ANXA8: variants seen among roughly 807,000 people sequenced by gnomAD.
The protein encoded by ANXA8 is VAC-beta.
In ANXA8, 9 loss-of-function variants were observed where a neutral mutation model predicts 26.8. That is an observed-to-expected ratio of 0.34 (90% CI 0.20 to 0.59). The LOEUF is 0.59. Ranked by LOEUF, ANXA8 falls within the 20% of genes least tolerant of loss-of-function variation. ANXA8 has a pLI of 0.84. For synonymous variants in ANXA8, 39 were observed against 94.8 expected (o/e 0.41, Z 3.42); for missense variants, 83 against 238.5 (o/e 0.35, Z 4.29).
chr10:47,633,834 AC>A, the ANXA8 span, among the ~76,000 whole-genome samples: 2 of 149,848 alleles, frequency 1.3e-5, no homozygotes, highest in Non-Finnish European at 2.9e-5. Context: ...ATTTCAAAAT[AC>A]CACTCAAATG....
At chr10:47,533,195 A>ACG in the ANXA8 span, among the ~76,000 whole-genome samples, 2 of 139,102 alleles carry the variant, frequency 1.4e-5, no homozygotes, top group Admixed American at 7.1e-5. Context: ...TCACACACAC[A>ACG]CACACACACA....
the ANXA8 span, among the ~76,000 whole-genome samples, chr10:47,530,413 C>T: frequency 1.3e-5 from 2 of 149,266 alleles, no homozygotes; most frequent in Non-Finnish European, 3.0e-5. Context: ...ACAGGCCAGG[C>T]GCGGTGGCTC....
At chr10:47,685,518 C>T in the ANXA8 span, among the ~76,000 whole-genome samples, 1 of 151,852 alleles carries the variant, frequency 6.6e-6, no homozygotes, top group South Asian at 2.1e-4. Context: ...GCAAGTAGGG[C>T]TTTGAATCTC....
the ANXA8 span, among the ~76,000 whole-genome samples, chr10:47,696,949 C>T: frequency 5.9e-5 from 9 of 151,446 alleles, no homozygotes; most frequent in Admixed American, 4.6e-4. Context: ...GTATTGGTCT[C>T]GTATTCAGAC....
the ANXA8 span, chr10:47,970,518 C>T: frequency 1.3e-5 from 2 of 151,234 alleles, 1 homozygote; most frequent in Non-Finnish European, 3.0e-5. Flanking sequence ...TGAACACACA[C>T]ATCCAAGTCA....
the ANXA8 span, among the ~76,000 whole-genome samples, chr10:47,533,427 C>G: frequency 8.7e-5 from 12 of 138,530 alleles, no homozygotes; most frequent in African/African-American, 3.0e-4. Flanking sequence ...ACCAGAACCT[C>G]TGTGTCAGAA....
the ANXA8 span, among the ~76,000 whole-genome samples, chr10:47,693,552 A>G: frequency 6.6e-6 from 1 of 151,888 alleles, no homozygotes; most frequent in East Asian, 1.9e-4. Context: ...GGCCTCCCAA[A>G]GTGCTGGGAT....
At chr10:47,916,342 G>A in the ANXA8 span, among the ~76,000 whole-genome samples, 1 of 131,252 alleles carries the variant, frequency 7.6e-6, no homozygotes, top group East Asian at 2.0e-4. Flanking sequence ...ATTGGTGCAG[G>A]GCTCTGCTGC....
the ANXA8 span, among the ~76,000 whole-genome samples, chr10:47,522,226 T>G: frequency 7.0e-6 from 1 of 141,896 alleles, no homozygotes. Context: ...ATTAAAAGTC[T>G]ACGTTGACGT....
At chr10:47,490,191 C>A in the ANXA8 span, 1 of 179,474 alleles carries the variant, frequency 5.6e-6, no homozygotes, top group African/African-American at 2.4e-5. Flanking sequence ...AAACGGAATT[C>A]TCTGCCTACT....
chr10:47,631,684 T>C, the ANXA8 span, among the ~76,000 whole-genome samples: 2 of 150,432 alleles, frequency 1.3e-5, no homozygotes, highest in Admixed American at 1.3e-4. Flanking sequence ...TTTAAATAAA[T>C]AATGGTTGAA....
At chr10:47,684,430 G>C in the ANXA8 span, among the ~76,000 whole-genome samples, 6 of 151,320 alleles carry the variant, frequency 4.0e-5, no homozygotes, top group Non-Finnish European at 8.8e-5. Flanking sequence ...TTTTGGGGGG[G>C]GGGTGAGGAG....
the ANXA8 span, among the ~76,000 whole-genome samples, chr10:47,534,489 T>G: frequency 1.4e-5 from 2 of 139,226 alleles, no homozygotes; most frequent in South Asian, 2.3e-4. Context: ...ACTGGATGCC[T>G]TCTATGGCTA....
chr10:47,727,206 C>G, the ANXA8 span, among the ~76,000 whole-genome samples: 1 of 152,296 alleles, frequency 6.6e-6, no homozygotes, highest in African/African-American at 2.4e-5. Context: ...TAAGCAAAAA[C>G]TATTTTACTT....
At chr10:47,664,570 A>AAAT in the ANXA8 span, among the ~76,000 whole-genome samples, 127 of 137,846 alleles carry the variant, frequency 9.2e-4, no homozygotes, top group East Asian at 2.6e-3. Flanking sequence ...CTCTGTCTCA[A>AAAT]AATAATAATA....
chr10:47,703,295 C>CA, the ANXA8 span, among the ~76,000 whole-genome samples: 1 of 151,588 alleles, frequency 6.6e-6, no homozygotes, highest in Non-Finnish European at 1.5e-5. Flanking sequence ...TGGCCATGCT[C>CA]AGTGGTTCAT....
chr10:47,502,214 G>A, the ANXA8 span: 4 of 1,559,454 alleles, frequency 2.6e-6, no homozygotes, highest in South Asian at 4.5e-5. Flanking sequence ...AGCTGCTCCA[G>A]GACCACATTC....
At chr10:47,667,563 G>GT in the ANXA8 span, among the ~76,000 whole-genome samples, 1 of 151,568 alleles carries the variant, frequency 6.6e-6, no homozygotes, top group African/African-American at 2.4e-5. Context: ...GTTTTTGTTT[G>GT]TTTTTTGAGA....
chr10:47,733,149 CTTTCTTTCTTT>C, the ANXA8 span, among the ~76,000 whole-genome samples: 6 of 68,238 alleles, frequency 8.8e-5, no homozygotes, highest in South Asian at 5.7e-4. Flanking sequence ...CCTAATCTTT[CTTTCTTTCTTT>C]CTTTCTTTCT....
Sources: gnomAD v4.1 joint callset for allele counts (sites outside exome capture counted in the v4.1 genomes callset) on GRCh38, gnomAD v4.1.1 for gene constraint, MANE v1.5 for transcripts, NCBI Gene and HGNC (gene_info 2026-07-23, HGNC 2026-07-21) for gene names.